Variants in CHODL observed in about 807,000 individuals in gnomAD.
CHODL encodes transmembrane protein MT75.
CHODL carries 29 observed loss-of-function variants against 34.5 expected under a neutral mutation model. The observed-to-expected ratio is 0.84, with a 90% CI of 0.63 to 1.15. The LOEUF (loss-of-function observed/expected upper bound fraction) is 1.15. Ranked by LOEUF, CHODL falls within the 50% of genes most tolerant of loss-of-function variation. CHODL has a pLI of 0.00. For synonymous variants in CHODL, 125 were observed against 116.1 expected (o/e 1.08, Z -0.49); for missense variants, 332 against 332.5 (o/e 1.00, Z 0.01).
intron 1 of CHODL, among the ~76,000 whole-genome samples, chr21:17,960,493 T>C (rs2063524023): frequency 6.6e-6 from 1 of 152,128 alleles, no homozygotes; most frequent in African/African-American, 2.4e-5. Context: ...TTTTTTTCAG[T>C]TCTCATCTTA....
intron 2 of CHODL, among the ~76,000 whole-genome samples, chr21:18,224,056 G>A (rs2073908802): frequency 6.6e-6 from 1 of 152,078 alleles, no homozygotes; most frequent in Non-Finnish European, 1.5e-5. Flanking sequence ...AATAAATGAG[G>A]AAGAGCCCAA....
At chr21:17,923,537 C>T (rs1370484570) in intron 1 of CHODL, among the ~76,000 whole-genome samples, 1 of 150,740 alleles carries the variant, frequency 6.6e-6, no homozygotes, top group Non-Finnish European at 1.5e-5. Context: ...TCTCGGCTCA[C>T]TGCAACCTCC....
At chr21:18,174,330 T>A (rs567089280) in intron 2 of CHODL, among the ~76,000 whole-genome samples, 2 of 151,628 alleles carry the variant, frequency 1.3e-5, no homozygotes, top group East Asian at 3.9e-4. Context: ...TGCAATTTTT[T>A]TATACTAGGT....
At chr21:18,086,807 G>C (rs902589155) in intron 2 of CHODL, among the ~76,000 whole-genome samples, 9 of 152,176 alleles carry the variant, frequency 5.9e-5, no homozygotes, top group Non-Finnish European at 1.2e-4. Flanking sequence ...GGTGTTAGTG[G>C]CTTCTGAAGG....
intron 2 of CHODL, among the ~76,000 whole-genome samples, chr21:18,153,251 G>A (rs753537153): frequency 6.6e-6 from 1 of 152,084 alleles, no homozygotes; most frequent in African/African-American, 2.4e-5. Context: ...GGAGGCTCTG[G>A]GGATAAGTCC....
intron 1 of CHODL, among the ~76,000 whole-genome samples, chr21:18,253,405 G>A (rs2074280814): frequency 6.6e-6 from 1 of 151,870 alleles, no homozygotes; most frequent in Non-Finnish European, 1.5e-5. Context: ...TAAAATCCAA[G>A]GCAGAAAGTT....
chr21:17,919,061 C>T (rs1311936370), intron 1 of CHODL, among the ~76,000 whole-genome samples: 1 of 152,226 alleles, frequency 6.6e-6, no homozygotes, highest in Non-Finnish European at 1.5e-5. Flanking sequence ...GCCCCTGTGG[C>T]TTTGCAGGGT....
At chr21:18,223,073 A>G (rs577460962) in intron 2 of CHODL, among the ~76,000 whole-genome samples, 1 of 152,348 alleles carries the variant, frequency 6.6e-6, no homozygotes, top group East Asian at 1.9e-4. Context: ...CTGATCAGAA[A>G]ATATTAAAAA....
At chr21:18,165,679 T>G (rs2073143995) in intron 2 of CHODL, among the ~76,000 whole-genome samples, 1 of 152,160 alleles carries the variant, frequency 6.6e-6, no homozygotes, top group Non-Finnish European at 1.5e-5. Flanking sequence ...ACTTCAGAAT[T>G]CAAACGGTGT....
chr21:17,943,653 C>A (rs1446534147), intron 1 of CHODL, among the ~76,000 whole-genome samples: 1 of 152,172 alleles, frequency 6.6e-6, no homozygotes, highest in Non-Finnish European at 1.5e-5. Flanking sequence ...GTCTGAGACA[C>A]CAGCGTGCTA....
intron 2 of CHODL, among the ~76,000 whole-genome samples, chr21:18,127,629 C>T (rs1652197087): frequency 7.1e-6 from 1 of 141,442 alleles, no homozygotes; most frequent in South Asian, 2.2e-4. Context: ...CATCAATCAT[C>T]GAATAAATCT....
intron 1 of CHODL, among the ~76,000 whole-genome samples, chr21:18,011,125 A>T (rs938635055): frequency 6.6e-6 from 1 of 152,138 alleles, no homozygotes; most frequent in Non-Finnish European, 1.5e-5. Flanking sequence ...TACTGGGGCA[A>T]GTGTATGGTA....
chr21:18,218,306 T>C (rs977146225), intron 2 of CHODL, among the ~76,000 whole-genome samples: 2 of 152,226 alleles, frequency 1.3e-5, no homozygotes, highest in African/African-American at 4.8e-5. Context: ...AACTTCTGTG[T>C]ACCTGCAGGC....
At chr21:17,937,336 G>T (rs990097980) in intron 1 of CHODL, among the ~76,000 whole-genome samples, 1 of 152,076 alleles carries the variant, frequency 6.6e-6, no homozygotes, top group Admixed American at 6.5e-5. Flanking sequence ...AACACAGAGG[G>T]CCCGTTTGAA....
chr21:18,077,520 A>T (rs2064880851), intron 2 of CHODL, among the ~76,000 whole-genome samples: 1 of 152,162 alleles, frequency 6.6e-6, no homozygotes, highest in Non-Finnish European at 1.5e-5. Context: ...TCTAAAATTT[A>T]TATGTAGAAA....
At chr21:18,185,072 G>A (rs556363559) in intron 2 of CHODL, among the ~76,000 whole-genome samples, 110 of 151,834 alleles carry the variant, frequency 7.2e-4, no homozygotes, top group Non-Finnish European at 7.8e-4. Context: ...TGTGCAGAAC[G>A]TGCAGGTTTG....
chr21:18,217,291 G>A (rs1411626674), intron 2 of CHODL, among the ~76,000 whole-genome samples: 2 of 152,092 alleles, frequency 1.3e-5, no homozygotes, highest in Non-Finnish European at 2.9e-5. Flanking sequence ...TGGGAAAGAG[G>A]TTTAATTGGC....
intron 4 of CHODL, among the ~76,000 whole-genome samples, chr21:18,262,400 C>T (rs2074393193): frequency 6.6e-6 from 1 of 152,134 alleles, no homozygotes; most frequent in South Asian, 2.1e-4. Context: ...TGGCCTATTA[C>T]TTCTAGGCTA....
At chr21:17,991,658 ATTTTT>A (rs35600353) in intron 1 of CHODL, among the ~76,000 whole-genome samples, 1 of 128,400 alleles carries the variant, frequency 7.8e-6, no homozygotes, top group African/African-American at 2.9e-5. Flanking sequence ...AGATTATTTG[ATTTTT>A]TTTTTTTTTT....
Sources: gnomAD v4.1 joint callset for allele counts (sites outside exome capture counted in the v4.1 genomes callset) on GRCh38, gnomAD v4.1.1 for gene constraint, MANE v1.5 for transcripts, NCBI Gene and HGNC (gene_info 2026-07-23, HGNC 2026-07-21) for gene names.